Variants in IGF2BP1 observed in about 807,000 individuals in gnomAD.
The protein encoded by IGF2BP1 is insulin-like growth factor 2 mRNA-binding protein 1.
Under a neutral mutation model 74.9 loss-of-function variants are expected in IGF2BP1, and 11 were observed. That is an observed-to-expected ratio of 0.15 (90% CI 0.09 to 0.24). The LOEUF (loss-of-function observed/expected upper bound fraction) is 0.24. Ranked by LOEUF, IGF2BP1 falls within the 10% of genes least tolerant of loss-of-function variation. The probability of loss-of-function intolerance (pLI) is 1.00; values close to 1 mark genes in which losing one functional copy is unlikely to be tolerated. For missense variants in IGF2BP1, 440 were observed against 757.4 expected (o/e 0.58, Z 4.92); for synonymous variants, 287 against 281.8 (o/e 1.02, Z -0.18).
chr17:49,026,411 T>C, intron 3 of IGF2BP1, 55 bp from the exon 4 acceptor site: 3 of 1,546,258 alleles, frequency 1.9e-6, no homozygotes, highest in Admixed American at 3.3e-5. Flanking sequence ...AGTGGCTGCT[T>C]TGCAAGGGTC....
Position 48,997,563 on chromosome 17 carries a change from G to T in IGF2BP1, c.-183G>T. ...CTGGGCTCTCCCCGAACTCTCCCGC[G>T]ACCTCTGCGCGCCCTCAGGCCGCCT... is the stretch of plus-strand genomic sequence containing the variant. On this transcript the variant is annotated 5_prime_UTR_variant, in exon 1 of 15. Transcript: ENST00000290341. This position sits in a 1 kb window ranked among gnomAD's most constrained non-coding sequence, Gnocchi z 4.8. The T allele has an allele frequency of 1.6e-6, 1 of 615,738 alleles. No individual in the cohort carries two copies. The highest frequency in any genetic ancestry group is 2.8e-6 in the Non-Finnish European group (1 of 356,428). 38.1% of individuals were successfully genotyped at this position (615,738 alleles called of 1,614,324 possible). A position where few individuals can be genotyped will look rare whatever the true frequency, so the allele number is the denominator to read the frequency against.
chr17:49,038,142 C>T (rs1364345833), intron 5 of IGF2BP1, 26 bp from the exon 6 acceptor site: 1 of 1,468,994 alleles, frequency 6.8e-7, no homozygotes, highest in Non-Finnish European at 9.0e-7. Context: ...ATTGGAATGA[C>T]CTGTAGACTC....
chr17:49,049,641 C>G lies in IGF2BP1; in HGVS notation c.*197C>G. 1 of 552,828 alleles carries G rather than the reference C, an allele frequency of 1.8e-6. No homozygotes were observed. Among genetic ancestry groups the G allele is most frequent in the Non-Finnish European group, 3.2e-6 (1 of 309,108 alleles). 34.2% of individuals were successfully genotyped at this position (552,828 alleles called of 1,614,324 possible). A position where few individuals can be genotyped will look rare whatever the true frequency, so the allele number is the denominator to read the frequency against. Reference sequence around the variant, plus strand: ...CAGCCCCAAACACCCACCCAATTGGCCCAACACTGTCTGCCCCTCGGGGTG... The same window carrying G: ...CAGCCCCAAACACCCACCCAATTGGGCCAACACTGTCTGCCCCTCGGGGTG... On this transcript the variant is annotated 3_prime_UTR_variant, in exon 15 of 15. Coordinates refer to ENST00000290341, the MANE Select transcript of IGF2BP1 (RefSeq NM_006546.4).
At position 49,046,009 on chromosome 17, in the gene IGF2BP1, A is replaced by G; in HGVS notation, c.1515A>G (p.Lys505=). 1.2e-6 allele frequency: 2 copies of G among 1,614,082 alleles called. No homozygotes were observed. The highest frequency in any genetic ancestry group is 1.7e-6 in the Non-Finnish European group (2 of 1,180,004). Residue 505 remains lysine (K), a synonymous_variant, in exon 13 of 15, where the codon AAA becomes AAG. Coordinates refer to ENST00000290341, the MANE Select transcript of IGF2BP1 (RefSeq NM_006546.4). Reference sequence around the variant, plus strand: ...CAGCAGCTGGCCGGGTCATTGGCAAAGGTGGAAAAACGGTGAGCTGTGAGG... The same window carrying G: ...CAGCAGCTGGCCGGGTCATTGGCAAGGGTGGAAAAACGGTGAGCTGTGAGG... The part of the protein sequence containing the change: ...PASAAGRVIG[K]GGKTVNELQN...
At chr17:49,019,460 T>C (rs976977484) in intron 2 of IGF2BP1, among the ~76,000 whole-genome samples, 1 of 152,172 alleles carries the variant, frequency 6.6e-6, no homozygotes. Flanking sequence ...GAATTACGTC[T>C]TTTTAGTTTT....
intron 4 of IGF2BP1, among the ~76,000 whole-genome samples, chr17:49,030,103 G>C (rs1427639989): frequency 6.7e-6 from 1 of 149,536 alleles, no homozygotes; most frequent in Non-Finnish European, 1.5e-5. Context: ...TTTCTTTCTA[G>C]ACTTCTACAG....
chr17:49,019,702 T>C (rs185001288), intron 2 of IGF2BP1, among the ~76,000 whole-genome samples: 329 of 151,608 alleles, frequency 2.2e-3, no homozygotes, highest in African/African-American at 7.7e-3. Context: ...CTTTAAAAGA[T>C]TGACAACAGG....
chr17:49,016,976 G>A (rs1567814329), intron 2 of IGF2BP1, among the ~76,000 whole-genome samples: 1 of 151,196 alleles, frequency 6.6e-6, no homozygotes, highest in Non-Finnish European at 1.5e-5. Flanking sequence ...CCCTTCAGAA[G>A]TTTTCTTGGA....
At chr17:49,045,796 G>T (rs1195890908) in intron 12 of IGF2BP1, 94 bp from the exon 13 acceptor site, 3 of 1,395,506 alleles carry the variant, frequency 2.1e-6, no homozygotes, top group Non-Finnish European at 2.9e-6. Flanking sequence ...GGGCCTGTGG[G>T]CCAGAAAATA....
chr17:49,026,447 C>T lies in IGF2BP1; in HGVS notation c.286-19C>T, dbSNP rs997627130. On this transcript the variant is annotated intron_variant, in intron 3 of 14. Transcript: ENST00000290341. ...TTGGGACTCAGAGTTAAGTGTACTT[C>T]CCTTCTCCATTCTCCTAGGTACTGG... 6.2e-7 allele frequency: 1 copy of T among 1,612,650 alleles called. No homozygotes were observed. The highest frequency in any genetic ancestry group is 8.5e-7 in the Non-Finnish European group (1 of 1,178,702).
intron 4 of IGF2BP1, 98 bp downstream of exon 4, chr17:49,026,615 TCCTTCCTTCCTTCCTTCCTG>T (rs1330817984): frequency 3.2e-4 from 229 of 717,198 alleles, no homozygotes; most frequent in African/African-American, 2.7e-3. Context: ...TTTTCTCCCT[TCCTTCCTTCCTTCCTTCCTG>T]CCTTCCTTCC....
At position 49,054,538 on chromosome 17, in the gene IGF2BP1, C is replaced by T. The variant is rs2042203447; in HGVS notation, c.*5094C>T. 1 of 152,456 alleles carries T rather than the reference C, an allele frequency of 6.6e-6. No homozygotes were observed. Among genetic ancestry groups the T allele is most frequent in the African/African-American group, 2.4e-5 (1 of 41,448 alleles). 9.4% of individuals were successfully genotyped at this position (152,456 alleles called of 1,614,324 possible). A position where few individuals can be genotyped will look rare whatever the true frequency, so the allele number is the denominator to read the frequency against. The stretch of plus-strand genomic sequence containing the variant: ...TATCGATTGGGCTGGGAGGGCTGGC[C>T]ATGAGGTCCCCACTTTCTGCTTTCC... On this transcript the variant is annotated 3_prime_UTR_variant, in exon 15 of 15. Coordinates refer to ENST00000290341, the MANE Select transcript of IGF2BP1 (RefSeq NM_006546.4).
intron 2 of IGF2BP1, among the ~76,000 whole-genome samples, chr17:49,019,860 C>T (rs562833596): frequency 7.6e-6 from 1 of 132,004 alleles, no homozygotes; most frequent in African/African-American, 2.8e-5. Flanking sequence ...CCTCCCATCT[C>T]AGCTTCCTGA....
intron 2 of IGF2BP1, among the ~76,000 whole-genome samples, chr17:49,024,293 T>TC (rs1481609679): frequency 6.6e-6 from 1 of 151,852 alleles, no homozygotes; most frequent in Non-Finnish European, 1.5e-5. Context: ...GCGCATGTGG[T>TC]CCCAGCTATA....
At chr17:49,037,634 A>T (rs752883670) in intron 5 of IGF2BP1, among the ~76,000 whole-genome samples, 20 of 152,234 alleles carry the variant, frequency 1.3e-4, no homozygotes, top group Non-Finnish European at 2.6e-4. Context: ...TTAACATTTG[A>T]ATTCTACATG....
In IGF2BP1 at chr17:49,019,934, A is replaced by ATT. The variant is rs2041762741; in HGVS notation, c.237-5683_237-5682insTT. 1.1e-4 allele frequency among the ~76,000 whole-genome samples: 7 copies of ATT among 61,774 alleles called. No individual in the cohort carries two copies. The East Asian group carries it at 1.1e-3, about 10-fold the overall frequency. The allele number at this position is 61,774 out of a possible 152,430, so 40.5% of individuals were successfully genotyped here. ...TATATATATATATATATATATATAT[A>ATT]TATATATATATATATTTATATACAC... is the stretch of plus-strand genomic sequence containing the variant. On this transcript the variant is annotated intron_variant, in intron 2 of 14. Transcript: ENST00000290341.
At chr17:49,047,416 A>C (rs1329626424) in intron 14 of IGF2BP1, among the ~76,000 whole-genome samples, 1 of 152,106 alleles carries the variant, frequency 6.6e-6, no homozygotes, top group Non-Finnish European at 1.5e-5. Flanking sequence ...TATACCCAGC[A>C]CTGTTTTATG....
chr17:48,998,446 T>G (rs1367091665), intron 1 of IGF2BP1, among the ~76,000 whole-genome samples: 1 of 152,176 alleles, frequency 6.6e-6, no homozygotes, highest in Non-Finnish European at 1.5e-5. Context: ...GGGTCTTGCC[T>G]CCCGCCCAGG....
At chr17:49,024,988 T>C (rs916221513) in intron 2 of IGF2BP1, among the ~76,000 whole-genome samples, 1 of 152,102 alleles carries the variant, frequency 6.6e-6, no homozygotes, top group African/African-American at 2.4e-5. Context: ...GGTCAGGAGT[T>C]CAAGACCAGC....
Sources: allele counts gnomAD v4.1 joint callset (sites outside exome capture counted in the v4.1 genomes callset), GRCh38; gene constraint gnomAD v4.1.1; non-coding constraint Gnocchi (gnomAD v3.1); transcripts MANE v1.5; gene names NCBI Gene and HGNC (gene_info 2026-07-23, HGNC 2026-07-21).